Variants in IARS1 observed in about 807,000 individuals in gnomAD.
The protein encoded by IARS1 is isoleucine--tRNA ligase, cytoplasmic.
A neutral mutation model predicts 168.2 loss-of-function variants in IARS1; 124 were observed. The ratio of observed to expected loss-of-function variants is 0.74; its 90% CI spans 0.64 to 0.86. IARS1 has a LOEUF of 0.86. Ranked by LOEUF, IARS1 falls within the 40% of genes least tolerant of loss-of-function variation. The probability of loss-of-function intolerance (pLI) is 0.00; values close to 1 mark genes in which losing one functional copy is unlikely to be tolerated. For missense variants in IARS1, 1,452 were observed against 1,515.8 expected, an observed-to-expected ratio of 0.96 and a Z score of 0.70; for synonymous variants, 532 against 529.4, an observed-to-expected ratio of 1.00 and a Z score of -0.07.
Position 92,253,390 on chromosome 9 carries a change from T to A in IARS1, c.2201A>T (p.Tyr734Phe). Reference sequence around the variant, plus strand: ...TAATCTTCTGCGGTTCATTCTAACATACCAATTGGTCAGAATATCTACAAA... The same window carrying A: ...TAATCTTCTGCGGTTCATTCTAACAAACCAATTGGTCAGAATATCTACAAA... ...VKFVDILTNW[Y>F]VRMNRRRLKG... Residue 734 changes from tyrosine (Y) to phenylalanine (F), a missense_variant, in exon 21 of 34, where the codon TAT becomes TTT. Tyr to Phe is a conservative substitution (Grantham distance 22). Transcript: ENST00000443024. The A allele has an allele frequency of 6.2e-7, 1 of 1,613,346 alleles. No individual in the cohort carries two copies. Among genetic ancestry groups the A allele is most frequent in the African/African-American group, 1.3e-5 (1 of 75,024 alleles).
intron 33 of IARS1, among the ~76,000 whole-genome samples, chr9:92,217,119 T>A (rs1451002914): frequency 1.3e-5 from 2 of 150,780 alleles, no homozygotes; most frequent in Non-Finnish European, 3.0e-5. Context: ...ATTAAGAATC[T>A]CACTCAAAAC....
At chr9:92,244,877 T>C in intron 27 of IARS1, 82 bp downstream of exon 27, 1 of 1,096,806 alleles carries the variant, frequency 9.1e-7, no homozygotes, top group Non-Finnish European at 1.4e-6. Flanking sequence ...GTCAACATTA[T>C]CAGGAAAGGC....
intron 30 of IARS1, among the ~76,000 whole-genome samples, chr9:92,239,202 A>G (rs1446893409): frequency 6.6e-6 from 1 of 152,188 alleles, no homozygotes; most frequent in African/African-American, 2.4e-5. Context: ...TGTGGTAAGA[A>G]CATCCTTTAG....
At chr9:92,258,723 T>TA (rs1258875143) in intron 19 of IARS1, 131 bp downstream of exon 19, 1 of 932,140 alleles carries the variant, frequency 1.1e-6, no homozygotes, top group Non-Finnish European at 1.5e-6. Flanking sequence ...CCCATGGCTC[T>TA]AAGTTACCCC....
intron 30 of IARS1, 138 bp downstream of exon 30, chr9:92,240,718 A>C (rs1227263137): frequency 6.9e-6 from 5 of 720,600 alleles, no homozygotes; most frequent in Middle Eastern, 2.3e-4. Context: ...GATGACAAGA[A>C]GAAAAAGTTA....
In IARS1 at chr9:92,269,955, C is replaced by G. The variant is rs200924593; in HGVS notation, c.1234G>C (p.Val412Leu). 6.2e-7 allele frequency: 1 copy of G among 1,613,698 alleles called. No individual in the cohort carries two copies. The highest frequency in any genetic ancestry group is 2.2e-5 in the East Asian group (1 of 44,860). ...TCCACTCGCACAAACCAGCTGGGCA[C>G]TGCTTTGTAAATTAGAGGAGTGTCT... ...RSDTPLIYKA[V>L]PSWFVRVENM... The change falls in exon 13 of 34, where the codon GTG becomes CTG. Residue 412 changes from valine to leucine, a missense_variant. Coordinates refer to ENST00000443024, the MANE Select transcript of IARS1 (RefSeq NM_002161.6).
chr9:92,249,994 G>T, intron 24 of IARS1, 53 bp from the exon 25 acceptor site: 1 of 1,038,974 alleles, frequency 9.6e-7, no homozygotes, highest in Non-Finnish European at 1.5e-6. Context: ...CTCTAAAACT[G>T]CAGAAAAATG....
chr9:92,238,981 T>C (rs1338856554), intron 30 of IARS1, among the ~76,000 whole-genome samples: 1 of 152,208 alleles, frequency 6.6e-6, no homozygotes, highest in Admixed American at 6.5e-5. Context: ...ACACAGTACA[T>C]CACTTCACTT....
Position 92,288,257 on chromosome 9 carries a change from A to G in IARS1, c.145T>C (p.Phe49Leu). The G allele has an allele frequency of 6.2e-6, 10 of 1,614,030 alleles. No individual in the cohort carries two copies. The highest frequency in any genetic ancestry group is 8.5e-6 in the Non-Finnish European group (10 of 1,179,952). The change falls in exon 3 of 34, where the codon TTT (phenylalanine) becomes CTT (leucine). Residue 49 changes from phenylalanine (F) to leucine (L), a missense_variant. Phe to Leu is a conservative substitution (Grantham distance 22). Transcript: ENST00000443024. ...CCATAGTGAGGCAGTCCAGTTGCAAAAGGAGGACCATCATAGAAGGTAAAT... is the reference window on the plus strand; with the variant it reads ...CCATAGTGAGGCAGTCCAGTTGCAAGAGGAGGACCATCATAGAAGGTAAAT... ...PKFTFYDGPP[F>L]ATGLPHYGHI...
At position 92,247,211 on chromosome 9, in the gene IARS1, G is replaced by C. The variant is rs181772533; in HGVS notation, c.2791+166C>G. Reference sequence around the variant, plus strand: ...TCTGTCAAGAAAAGAGAAGAGAGAAGAGAGAAAAGAGAAGAGAGTAAGGAA... The same window carrying C: ...TCTGTCAAGAAAAGAGAAGAGAGAACAGAGAAAAGAGAAGAGAGTAAGGAA... On this transcript the variant is annotated intron_variant, in intron 26 of 33. Transcript: ENST00000443024. Among the ~76,000 whole-genome samples, 576 of 149,338 alleles carry C rather than the reference G, an allele frequency of 3.9e-3. 4 individuals carry two copies. The highest frequency in any genetic ancestry group is 0.013 in the African/African-American group (543 of 41,282).
chr9:92,257,914 C>T (rs752024978), intron 19 of IARS1, among the ~76,000 whole-genome samples: 3 of 152,144 alleles, frequency 2.0e-5, no homozygotes, highest in African/African-American at 4.8e-5. Flanking sequence ...AGGTGATGGA[C>T]GCTGACAATG....
intron 26 of IARS1, among the ~76,000 whole-genome samples, chr9:92,246,620 AG>A (rs1467284190): frequency 6.6e-6 from 1 of 152,184 alleles, no homozygotes; most frequent in Admixed American, 6.5e-5. Context: ...GCACCATGAA[AG>A]TAAGGACAAA....
chr9:92,234,661 T>A (rs1481699602), intron 30 of IARS1, among the ~76,000 whole-genome samples: 1 of 152,186 alleles, frequency 6.6e-6, no homozygotes, highest in Non-Finnish European at 1.5e-5. Flanking sequence ...AGCCAGGATG[T>A]TGGCAGTGAT....
At chr9:92,242,954 G>A in intron 28 of IARS1, 1 of 387,966 alleles carries the variant, frequency 2.6e-6, no homozygotes, top group Admixed American at 3.7e-5. Flanking sequence ...AGTCACAGGG[G>A]ATATTCTGTA....
chr9:92,278,763 T>G (rs1419373596), intron 7 of IARS1, among the ~76,000 whole-genome samples: 2 of 152,244 alleles, frequency 1.3e-5, no homozygotes, highest in Non-Finnish European at 2.9e-5. Flanking sequence ...ATTTTGTAGC[T>G]TTTCACTTAA....
chr9:92,228,976 T>A, intron 31 of IARS1, 25 bp downstream of exon 31: 2 of 1,613,430 alleles, frequency 1.2e-6, no homozygotes, highest in Non-Finnish European at 1.7e-6. Context: ...TCAAAGGACG[T>A]AGGCTCCTCT....
At chr9:92,261,991 C>A (rs537032778) in intron 17 of IARS1, among the ~76,000 whole-genome samples, 2 of 151,894 alleles carry the variant, frequency 1.3e-5, no homozygotes, top group East Asian at 3.9e-4. Flanking sequence ...CTCAGGAGAT[C>A]CGCCCACCAT....
chr9:92,267,112 G>A (rs1451918112), intron 14 of IARS1, among the ~76,000 whole-genome samples: 3 of 152,158 alleles, frequency 2.0e-5, no homozygotes, highest in Non-Finnish European at 2.9e-5. Flanking sequence ...AAAGCAATCA[G>A]ACAAAGCCAC....
chr9:92,277,467 CAGGAGTTCA>C, intron 9 of IARS1, among the ~76,000 whole-genome samples: 1 of 152,074 alleles, frequency 6.6e-6, no homozygotes, highest in East Asian at 1.9e-4. Flanking sequence ...CTTGCAATTC[CAGGAGTTCA>C]AGACCAGCCT....
Sources: allele counts gnomAD v4.1 joint callset (sites outside exome capture counted in the v4.1 genomes callset), GRCh38; gene constraint gnomAD v4.1.1; transcripts MANE v1.5; gene names NCBI Gene and HGNC (gene_info 2026-07-23, HGNC 2026-07-21).